Variants in CCDC3 observed in about 807,000 individuals in gnomAD.
CCDC3 encodes coiled-coil domain-containing protein 3.
CCDC3 carries 24 observed loss-of-function variants against 21.4 expected under a neutral mutation model. The ratio of observed to expected loss-of-function variants is 1.12; its 90% confidence interval spans 0.81 to 1.58. The LOEUF is 1.58. Ranked by LOEUF, CCDC3 falls within the 40% of genes most tolerant of loss-of-function variation. The pLI, the probability that CCDC3 is intolerant of heterozygous loss-of-function variation, is 0.00. For missense variants in CCDC3, 425 were observed against 360.9 expected (o/e 1.18, Z -1.44); for synonymous variants, 186 against 166.0 (o/e 1.12, Z -0.93).
At chr10:13,038,720 T>C (rs1321788316) in intron 5 of CCDC3, among the ~76,000 whole-genome samples, 2 of 152,308 alleles carry the variant, frequency 1.3e-5, no homozygotes, top group South Asian at 2.1e-4. Context: ...GAAGCAATAA[T>C]AAGGACGGTG....
At chr10:12,978,041 T>C (rs1269103097) in intron 2 of CCDC3, among the ~76,000 whole-genome samples, 4 of 151,144 alleles carry the variant, frequency 2.6e-5, no homozygotes, top group African/African-American at 7.3e-5. Context: ...TTTCTTGAGA[T>C]GGAATTTCAC....
At chr10:12,947,029 A>C (rs920760272) in intron 2 of CCDC3, among the ~76,000 whole-genome samples, 1 of 152,142 alleles carries the variant, frequency 6.6e-6, no homozygotes, top group Non-Finnish European at 1.5e-5. Flanking sequence ...TTCTATCTCC[A>C]CAGTTTATTT....
At chr10:12,997,967 A>G (rs1835788325) in intron 2 of CCDC3, among the ~76,000 whole-genome samples, 2 of 152,156 alleles carry the variant, frequency 1.3e-5, no homozygotes, top group African/African-American at 4.8e-5. Context: ...AAGTTTACAA[A>G]TTTGTGTTGG....
At chr10:12,963,956 G>C (rs969384646) in intron 2 of CCDC3, among the ~76,000 whole-genome samples, 1 of 152,194 alleles carries the variant, frequency 6.6e-6, no homozygotes. Context: ...CCCAGGAGGC[G>C]AGTCGTTATT....
At chr10:13,007,833 T>C (rs1057210793) in intron 5 of CCDC3, among the ~76,000 whole-genome samples, 3 of 152,228 alleles carry the variant, frequency 2.0e-5, no homozygotes, top group Non-Finnish European at 4.4e-5. Flanking sequence ...TCTTCTTCTC[T>C]ATCTCTTCCT....
At chr10:13,062,889 A>G (rs1836774818) in intron 4 of CCDC3, among the ~76,000 whole-genome samples, 1 of 152,108 alleles carries the variant, frequency 6.6e-6, no homozygotes, top group Non-Finnish European at 1.5e-5. Context: ...CACTACCCAG[A>G]TCAATAAACT....
At chr10:12,930,932 C>T (rs920117301) in intron 2 of CCDC3, among the ~76,000 whole-genome samples, 4 of 152,112 alleles carry the variant, frequency 2.6e-5, no homozygotes, top group African/African-American at 7.2e-5. Context: ...TTTACTTGGC[C>T]GGGTGTAGTG....
intron 2 of CCDC3, among the ~76,000 whole-genome samples, chr10:12,952,638 G>A (rs1425439598): frequency 6.6e-6 from 1 of 152,112 alleles, no homozygotes; most frequent in Non-Finnish European, 1.5e-5. Context: ...GAACGAATCC[G>A]AATTCTCCAG....
intron 2 of CCDC3, among the ~76,000 whole-genome samples, chr10:12,920,711 C>G (rs1398950683): frequency 6.6e-6 from 1 of 152,152 alleles, no homozygotes; most frequent in South Asian, 2.1e-4. Flanking sequence ...TCTGACATTC[C>G]ACCCATATGG....
chr10:13,049,495 T>C (rs1341357562), intron 5 of CCDC3, among the ~76,000 whole-genome samples: 10 of 152,222 alleles, frequency 6.6e-5, no homozygotes, highest in Admixed American at 6.5e-4. Flanking sequence ...TACTAATGAA[T>C]TTGTATGAGG....
rs1225894959 is a variant in CCDC3 at position 13,001,421 on chromosome 10, C to A, written c.150G>T (p.Ala50=). The A allele has an allele frequency of 2.6e-6, 4 of 1,544,808 alleles. No homozygotes were observed. The highest frequency in any genetic ancestry group is 2.0e-5 in the Admixed American group (1 of 50,804). ...AETIVYARVL[A]LHPEAPGLYN... ...AGAGGCCGGGCGCCTCGGGGTGCAG[C>A]GCCAGCACCCTGGCGTACACGATGG... Residue 50 remains alanine (A), a synonymous_variant, in exon 1 of 3, where the codon GCG becomes GCT. Transcript: ENST00000378825.
Position 12,897,292 on chromosome 10 carries a change from T to TTTAC in CCDC3, c.*1120_*1123dup, listed in dbSNP as rs1434849205. ...AATAAGTCTAGTGAATACTCTCATT[T>TTTAC]TTACTTATAGTAGTGTCTTAAAAGT... On this transcript the variant is annotated 3_prime_UTR_variant, in exon 3 of 3. Transcript: ENST00000378825. 6.6e-6 allele frequency: 1 copy of TTTAC among 152,266 alleles called. No homozygotes were observed. Among genetic ancestry groups the TTTAC allele is most frequent in the African/African-American group, 2.4e-5 (1 of 41,476 alleles). The allele number at this position is 152,266 out of a possible 1,614,324, so 9.4% of individuals were successfully genotyped here. A position where few individuals can be genotyped will look rare whatever the true frequency, so the allele number is the denominator to read the frequency against.
At chr10:12,929,837 TGA>T (rs1834612238) in intron 2 of CCDC3, among the ~76,000 whole-genome samples, 1 of 152,090 alleles carries the variant, frequency 6.6e-6, no homozygotes, top group South Asian at 2.1e-4. Context: ...CACATGTAAA[TGA>T]GAGGTGTTTG....
chr10:12,938,022 A>C (rs1358599708), intron 2 of CCDC3, among the ~76,000 whole-genome samples: 1 of 142,718 alleles, frequency 7.0e-6, no homozygotes, highest in Non-Finnish European at 1.5e-5. Context: ...TCTGCAGTAT[A>C]GAAAAGAAGT....
chr10:12,968,385 C>G (rs1031549158), intron 2 of CCDC3, among the ~76,000 whole-genome samples: 1 of 152,070 alleles, frequency 6.6e-6, no homozygotes, highest in African/African-American at 2.4e-5. Flanking sequence ...GAACACTGTA[C>G]CTAGCAAGGC....
At chr10:12,932,287 A>G (rs1034062372) in intron 2 of CCDC3, among the ~76,000 whole-genome samples, 1 of 152,238 alleles carries the variant, frequency 6.6e-6, no homozygotes, top group African/African-American at 2.4e-5. Context: ...AATGCATTTA[A>G]TACATCTAAC....
At chr10:13,045,719 C>T (rs905231360) in intron 5 of CCDC3, among the ~76,000 whole-genome samples, 2 of 152,130 alleles carry the variant, frequency 1.3e-5, no homozygotes, top group African/African-American at 4.8e-5. Flanking sequence ...AGGCAGGGTC[C>T]TCATCAACAT....
Position 12,906,261 on chromosome 10 carries a change from T to C in CCDC3, c.550-7582A>G, listed in dbSNP as rs146401759. Among the ~76,000 whole-genome samples the C allele has an allele frequency of 7.9e-5, 12 of 152,312 alleles. 1 individual carries two copies. In the East Asian group the frequency reaches 2.3e-3, roughly 29 times the overall value. On this transcript the variant is annotated intron_variant, in intron 2 of 2. Coordinates refer to ENST00000378825, the MANE Select transcript of CCDC3 (RefSeq NM_031455.4). ...ACAACCTGAGATGACTGCATGTGGC[T>C]TGGCAGCTCGTTCTCTGCTCCACCC...
chr10:13,039,569 G>A (rs1836422666), intron 5 of CCDC3, among the ~76,000 whole-genome samples: 1 of 152,182 alleles, frequency 6.6e-6, no homozygotes, highest in African/African-American at 2.4e-5. Context: ...GGAGTTTAAA[G>A]CATTTCACAG....
Sources: gnomAD v4.1 joint callset for allele counts (sites outside exome capture counted in the v4.1 genomes callset) on GRCh38, gnomAD v4.1.1 for gene constraint, MANE v1.5 for transcripts, NCBI Gene and HGNC (gene_info 2026-07-23, HGNC 2026-07-21) for gene names.